BTBD10: variants seen among roughly 807,000 people sequenced by gnomAD.
BTBD10 encodes the protein BTB domain containing 10.
Under a neutral mutation model 53.2 loss-of-function variants are expected in BTBD10, and 21 were observed. The ratio of observed to expected loss-of-function variants is 0.39; its 90% confidence interval spans 0.28 to 0.57. BTBD10 has a LOEUF of 0.57. Among genes scored for constraint, BTBD10 ranks in the 20% least tolerant of loss-of-function variants. The pLI is 0.53. For synonymous variants in BTBD10, 149 were observed against 192.7 expected, an observed-to-expected ratio of 0.77 and a Z score of 1.88; for missense variants, 360 against 594.7, an observed-to-expected ratio of 0.61 and a Z score of 4.10.
chr11:13,434,026 T>C (rs933588060), intron 2 of BTBD10, among the ~76,000 whole-genome samples: 3 of 152,182 alleles, frequency 2.0e-5, no homozygotes, highest in African/African-American at 7.2e-5. Flanking sequence ...TTCTCAAAGA[T>C]CACCTGTAAG....
At chr11:13,392,244 T>C (rs1018847137) in intron 8 of BTBD10, among the ~76,000 whole-genome samples, 4 of 152,142 alleles carry the variant, frequency 2.6e-5, no homozygotes, top group African/African-American at 7.2e-5. Flanking sequence ...TGGACTAAAA[T>C]AGAAAAAGCT....
At chr11:13,424,250 G>T (rs987428814) in intron 2 of BTBD10, among the ~76,000 whole-genome samples, 2 of 152,136 alleles carry the variant, frequency 1.3e-5, no homozygotes, top group African/African-American at 2.4e-5. Context: ...ACAAATACAA[G>T]CTAAATGTTC....
intron 5 of BTBD10, 53 bp downstream of exon 5, chr11:13,417,105 T>G (rs1421867237): frequency 1.5e-6 from 2 of 1,321,054 alleles, no homozygotes; most frequent in East Asian, 2.4e-5. Flanking sequence ...CTAATCCAAG[T>G]ACCTCCAAGA....
At chr11:13,446,945 G>GA in intron 1 of BTBD10, among the ~76,000 whole-genome samples, 1 of 151,980 alleles carries the variant, frequency 6.6e-6, no homozygotes, top group African/African-American at 2.4e-5. Context: ...AAAGGAGAAA[G>GA]AAAAAAAGTA....
chr11:13,421,631 AT>A lies in BTBD10; in HGVS notation c.298+10del. 1 of 1,605,900 alleles carries A rather than the reference AT, an allele frequency of 6.2e-7. No homozygotes were observed. The highest frequency in any genetic ancestry group is 1.1e-5 in the South Asian group (1 of 90,340). On this transcript the variant is annotated intron_variant, in intron 3 of 8. Coordinates refer to ENST00000278174, the MANE Select transcript of BTBD10 (RefSeq NM_032320.7). Reference sequence around the variant, plus strand: ...TAAGAACTGTTAGGAAGGTTAGTTGATTTTACATACCAACATGGTGCTGTCG... The same window carrying A: ...TAAGAACTGTTAGGAAGGTTAGTTGATTTACATACCAACATGGTGCTGTCG...
intron 4 of BTBD10, among the ~76,000 whole-genome samples, chr11:13,418,775 T>C (rs1007483445): frequency 6.6e-6 from 1 of 152,108 alleles, no homozygotes; most frequent in Non-Finnish European, 1.5e-5. Context: ...TTGATAGTAG[T>C]GTGAACAAAG....
At chr11:13,395,463 C>T (rs1489023182) in intron 8 of BTBD10, among the ~76,000 whole-genome samples, 2 of 152,094 alleles carry the variant, frequency 1.3e-5, no homozygotes, top group Non-Finnish European at 2.9e-5. Flanking sequence ...GAGTAGGTTG[C>T]AAAAATTTTC....
At chr11:13,399,311 T>A (rs2135753231) in intron 8 of BTBD10, among the ~76,000 whole-genome samples, 1 of 152,358 alleles carries the variant, frequency 6.6e-6, no homozygotes, top group South Asian at 2.1e-4. Flanking sequence ...CTTCCATCGC[T>A]GATACCCTTT....
At chr11:13,441,585 T>C (rs773227782) in intron 2 of BTBD10, among the ~76,000 whole-genome samples, 4 of 152,154 alleles carry the variant, frequency 2.6e-5, no homozygotes, top group Non-Finnish European at 4.4e-5. Flanking sequence ...ACACATTAGA[T>C]AGTAACTGTT....
chr11:13,393,722 G>A (rs1243724034), intron 8 of BTBD10, among the ~76,000 whole-genome samples: 3 of 151,918 alleles, frequency 2.0e-5, no homozygotes, highest in Admixed American at 6.6e-5. Flanking sequence ...TAGTACACAG[G>A]CAACTAATAT....
At chr11:13,394,158 T>C (rs1949475617) in intron 8 of BTBD10, among the ~76,000 whole-genome samples, 1 of 152,178 alleles carries the variant, frequency 6.6e-6, no homozygotes, top group Admixed American at 6.5e-5. Flanking sequence ...CAAAGGAGCA[T>C]CTTAATCTTA....
intron 2 of BTBD10, among the ~76,000 whole-genome samples, chr11:13,422,118 T>C (rs576342473): frequency 3.3e-5 from 5 of 152,228 alleles, no homozygotes; most frequent in Non-Finnish European, 7.3e-5. Context: ...GTTGTAGTAA[T>C]AATAGTAGTA....
intron 2 of BTBD10, among the ~76,000 whole-genome samples, chr11:13,431,614 T>TA (rs1374919330): frequency 6.6e-6 from 1 of 152,212 alleles, no homozygotes; most frequent in African/African-American, 2.4e-5. Context: ...GTAAAGTTTC[T>TA]AAAAACTTTT....
Position 13,405,681 on chromosome 11 carries a change from C to T in BTBD10, c.984G>A (p.Gln328=). ...VVDWDEEYPP[Q]MGEEYSQIIY... ...TACTTTGTGAATATTCTTCTCCCAT[C>T]TGTGGTGGATATTCTTCATCCCAAT... The change falls in exon 7 of 9, where the codon CAG becomes CAA. Residue 328 remains glutamine (Q), a synonymous_variant. Transcript: ENST00000278174. The T allele has an allele frequency of 6.2e-7, 1 of 1,613,628 alleles. No homozygotes were observed. Among genetic ancestry groups the T allele is most frequent in the Non-Finnish European group, 8.5e-7 (1 of 1,179,600 alleles).
At chr11:13,449,443 G>A (rs983359897) in intron 1 of BTBD10, among the ~76,000 whole-genome samples, 7 of 151,346 alleles carry the variant, frequency 4.6e-5, no homozygotes, top group African/African-American at 1.5e-4. Flanking sequence ...AATGCACCAA[G>A]CAAGGTATAT....
At chr11:13,461,796 C>T (rs900548760) in intron 1 of BTBD10, among the ~76,000 whole-genome samples, 7 of 152,166 alleles carry the variant, frequency 4.6e-5, no homozygotes, top group African/African-American at 9.7e-5. Context: ...TGGTTCCTTA[C>T]CACATTCCAT....
intron 2 of BTBD10, among the ~76,000 whole-genome samples, chr11:13,426,257 G>C (rs755189419): frequency 6.6e-6 from 1 of 151,860 alleles, no homozygotes; most frequent in Non-Finnish European, 1.5e-5. Flanking sequence ...TCAAAAATAA[G>C]AAGGATCTGC....
intron 8 of BTBD10, among the ~76,000 whole-genome samples, chr11:13,399,515 G>A (rs1013578487): frequency 6.6e-6 from 1 of 152,078 alleles, no homozygotes; most frequent in African/African-American, 2.4e-5. Context: ...GCTCGGAGTA[G>A]TTTGATCTTC....
intron 8 of BTBD10, 145 bp from the exon 9 acceptor site, chr11:13,389,286 T>C (rs1343783803): frequency 1.5e-6 from 1 of 658,152 alleles, no homozygotes; most frequent in African/African-American, 1.8e-5. Flanking sequence ...CACCTACTCA[T>C]CAGTTCATGA....
Sources: gnomAD v4.1 joint callset for allele counts (sites outside exome capture counted in the v4.1 genomes callset) on GRCh38, gnomAD v4.1.1 for gene constraint, MANE v1.5 for transcripts, NCBI Gene and HGNC (gene_info 2026-07-23, HGNC 2026-07-21) for gene names.